Variants in AKTIP observed in about 807,000 individuals in gnomAD.
The protein encoded by AKTIP is AKT-interacting protein.
A neutral mutation model predicts 39.1 loss-of-function variants in AKTIP; 16 were observed. That is an observed-to-expected ratio of 0.41 (90% confidence interval 0.28 to 0.62). The LOEUF (loss-of-function observed/expected upper bound fraction) is 0.62. Among genes scored for constraint, AKTIP ranks in the 20% least tolerant of loss-of-function variants. AKTIP has a pLI of 0.32. For synonymous variants in AKTIP, 93 were observed against 124.3 expected (o/e 0.75, Z 1.67); for missense variants, 262 against 356.6 (o/e 0.73, Z 2.14).
In AKTIP at chr16:53,500,317, G is replaced by A; in HGVS notation, c.-58C>T. 1 of 1,595,462 alleles carries A rather than the reference G, an allele frequency of 6.3e-7. No homozygotes were observed. Among genetic ancestry groups the A allele is most frequent in the Non-Finnish European group, 8.5e-7 (1 of 1,174,178 alleles). On this transcript the variant is annotated 5_prime_UTR_variant, in exon 2 of 10. Transcript: ENST00000394657. The stretch of plus-strand genomic sequence containing the variant: ...GTATCATCCAAATCTTCTGTCTTCG[G>A]CATTCACTTTACCTTAAAACAAGAC...
intron 9 of AKTIP, 28 bp from the exon 10 acceptor site, chr16:53,492,547 T>C (rs769839573): frequency 6.2e-7 from 1 of 1,612,324 alleles, no homozygotes; most frequent in Non-Finnish European, 8.5e-7. Context: ...AACAGATATT[T>C]AAAAAATTAC....
Position 53,495,177 on chromosome 16 carries a change from T to C in AKTIP, c.314-4A>G, listed in dbSNP as rs2150854250. 6.2e-7 allele frequency: 1 copy of C among 1,612,488 alleles called. No homozygotes were observed. The highest frequency in any genetic ancestry group is 2.2e-5 in the East Asian group (1 of 44,866). On this transcript the variant is annotated splice_polypyrimidine_tract_variant and splice_region_variant and intron_variant, in intron 4 of 9. Coordinates refer to ENST00000394657, the MANE Select transcript of AKTIP (RefSeq NM_022476.4). Reference sequence around the variant, plus strand: ...ATGAATATTACTCCAAACCACACTGTAGGAAAAAATAAAAGAGTTAAGGCC... The same window carrying C: ...ATGAATATTACTCCAAACCACACTGCAGGAAAAAATAAAAGAGTTAAGGCC...
At chr16:53,499,825 A>T (rs1326795688) in intron 2 of AKTIP, among the ~76,000 whole-genome samples, 1 of 152,176 alleles carries the variant, frequency 6.6e-6, no homozygotes, top group Non-Finnish European at 1.5e-5. Context: ...ATTTTTAAAA[A>T]ATCATTTTAT....
intron 1 of AKTIP, 79 bp from the exon 2 acceptor site, chr16:53,500,408 C>T (rs1032031392): frequency 1.1e-6 from 1 of 875,464 alleles, no homozygotes; most frequent in Admixed American, 3.3e-5. Context: ...GATGGAGTCT[C>T]ACTCTGTTGC....
At chr16:53,494,952 A>C (rs543344401) in intron 5 of AKTIP, 121 bp downstream of exon 5, 172 of 926,164 alleles carry the variant, frequency 1.9e-4, no homozygotes, top group Non-Finnish European at 2.9e-4. Flanking sequence ...GTCCCCCTGG[A>C]CAACTACTGG....
upstream of AKTIP, chr16:53,504,283 C>G (rs1962344753): frequency 6.6e-6 from 1 of 152,460 alleles, no homozygotes; most frequent in African/African-American, 2.4e-5. Context: ...CGACAGCCCT[C>G]TCCCCGCAAG....
intron 5 of AKTIP, 136 bp downstream of exon 5, chr16:53,494,937 C>G: frequency 1.2e-6 from 1 of 855,722 alleles, no homozygotes; most frequent in Non-Finnish European, 2.0e-6. Flanking sequence ...CTGCAAAGCA[C>G]AGAAGTCCCC....
chr16:53,495,407 C>T, intron 3 of AKTIP, 81 bp from the exon 4 acceptor site: 1 of 1,351,632 alleles, frequency 7.4e-7, no homozygotes, highest in South Asian at 1.2e-5. Flanking sequence ...CACTTTGAGA[C>T]AATGAACGGC....
rs1349449197 is a variant in AKTIP at position 53,500,315 on chromosome 16, C to T, written c.-56G>A. 29 of 1,597,130 alleles carry T rather than the reference C, an allele frequency of 1.8e-5. No homozygotes were observed. The highest frequency in any genetic ancestry group is 2.0e-5 in the Non-Finnish European group (24 of 1,174,846). ...GTGTATCATCCAAATCTTCTGTCTT[C>T]GGCATTCACTTTACCTTAAAACAAG... On this transcript the variant is annotated 5_prime_UTR_variant, in exon 2 of 10. Coordinates refer to ENST00000394657, the MANE Select transcript of AKTIP (RefSeq NM_022476.4).
chr16:53,502,709 G>A (rs1323174069), intron 1 of AKTIP: 1 of 152,272 alleles, frequency 6.6e-6, no homozygotes, highest in Non-Finnish European at 1.5e-5. Flanking sequence ...CCTGTCTCGA[G>A]GTGATGCAAG....
chr16:53,500,211 T>C lies in AKTIP; in HGVS notation c.42+7A>G, dbSNP rs1428766598. The stretch of plus-strand genomic sequence containing the variant: ...GTTTTCTTACTGAATTTATCAACTA[T>C]ACCTACTTTGCGTACAGAGCTTGTA... On this transcript the variant is annotated splice_region_variant and intron_variant, in intron 2 of 9. Coordinates refer to ENST00000394657, the MANE Select transcript of AKTIP (RefSeq NM_022476.4). 3.1e-6 allele frequency: 5 copies of C among 1,603,888 alleles called. No homozygotes were observed. Among genetic ancestry groups the C allele is most frequent in the Non-Finnish European group, 3.4e-6 (4 of 1,172,228 alleles).
At chr16:53,499,151 G>A (rs767106659) in intron 2 of AKTIP, among the ~76,000 whole-genome samples, 10 of 152,160 alleles carry the variant, frequency 6.6e-5, no homozygotes, top group Admixed American at 1.3e-4. Context: ...AGCATAAACT[G>A]TCATCCTTCG....
chr16:53,492,687 A>G lies in AKTIP; in HGVS notation c.771+6T>C, dbSNP rs757438695. ...TTAGCCATTTCATAAGTTGTTATCC[A>G]CTTACTTTCTGAGTCAGCATCTTTT... On this transcript the variant is annotated splice_donor_region_variant and intron_variant, in intron 9 of 9. Transcript: ENST00000394657. 1.2e-5 allele frequency: 19 copies of G among 1,613,658 alleles called. No individual in the cohort carries two copies. The highest frequency in any genetic ancestry group is 1.6e-5 in the Non-Finnish European group (19 of 1,179,728).
In AKTIP at chr16:53,497,826, T is replaced by A. The variant is rs1453359511; in HGVS notation, c.248+565A>T. Reference sequence around the variant, plus strand: ...GTGCAATGGCACAATCTCGGCTCACTGCAACCTCCACCTCCCGACTTCAAG... The same window carrying A: ...GTGCAATGGCACAATCTCGGCTCACAGCAACCTCCACCTCCCGACTTCAAG... On this transcript the variant is annotated intron_variant, in intron 3 of 9. Coordinates refer to ENST00000394657, the MANE Select transcript of AKTIP (RefSeq NM_022476.4). 2.0e-5 allele frequency among the ~76,000 whole-genome samples: 3 copies of A among 152,370 alleles called. No homozygotes were observed. In the East Asian group the frequency reaches 5.8e-4, roughly 29 times the overall value.
chr16:53,494,330 G>A lies in AKTIP; in HGVS notation c.602+9C>T, dbSNP rs768429868. 8 of 1,613,664 alleles carry A rather than the reference G, an allele frequency of 5.0e-6. No homozygotes were observed. The highest frequency in any genetic ancestry group is 6.8e-6 in the Non-Finnish European group (8 of 1,179,686). On this transcript the variant is annotated intron_variant, in intron 7 of 9. Transcript: ENST00000394657. ...ATTTATTTTAAATAACAAAGCAAAA[G>A]TTACATACAGTACTGCAGCCTCTGG...
chr16:53,494,764 CCTGAAAAA>C, intron 5 of AKTIP, 159 bp from the exon 6 acceptor site: 1 of 776,770 alleles, frequency 1.3e-6, no homozygotes. Flanking sequence ...TTACCATTTT[CCTGAAAAA>C]CTAAATTTTG....
intron 8 of AKTIP, chr16:53,493,916 A>C: frequency 1.9e-6 from 1 of 516,088 alleles, no homozygotes. Context: ...CAAAGTCACC[A>C]GAGAATGTGC....
chr16:53,493,860 C>T (rs1314916072), intron 8 of AKTIP: 2 of 408,622 alleles, frequency 4.9e-6, no homozygotes, highest in Non-Finnish European at 8.8e-6. Flanking sequence ...AAAGAAGAGT[C>T]CTGACATGGG....
upstream of AKTIP, among the ~76,000 whole-genome samples, chr16:53,503,489 G>A (rs573184285): frequency 6.6e-5 from 10 of 152,306 alleles, no homozygotes; most frequent in South Asian, 2.1e-3. Flanking sequence ...CGCCTGGGAC[G>A]GCCTGTCAGT....
Sources: gnomAD v4.1 joint callset for allele counts (sites outside exome capture counted in the v4.1 genomes callset) on GRCh38, gnomAD v4.1.1 for gene constraint, MANE v1.5 for transcripts, NCBI Gene and HGNC (gene_info 2026-07-23, HGNC 2026-07-21) for gene names.